Variants in BMPR1B observed in about 807,000 individuals in gnomAD.
BMPR1B encodes the protein bone morphogenetic protein receptor type 1B, also known as bone morphogenetic protein receptor type-1B.
In BMPR1B, 12 loss-of-function variants were observed where a neutral mutation model predicts 59.1. The ratio of observed to expected loss-of-function variants is 0.20; its 90% CI spans 0.13 to 0.33. The LOEUF is 0.33. BMPR1B is among the 10% of genes least tolerant of loss of function. BMPR1B has a pLI of 1.00. For missense variants in BMPR1B, 550 were observed against 610.9 expected (o/e 0.90, Z 1.05); for synonymous variants, 237 against 207.3 (o/e 1.14, Z -1.23).
intron 3 of BMPR1B, among the ~76,000 whole-genome samples, chr4:95,015,849 C>T (rs139850411): frequency 0.011 from 1,637 of 152,266 alleles, 22 homozygotes; most frequent in African/African-American, 0.035. Context: ...CATGCCACCA[C>T]GCCCAGCTCA....
chr4:95,027,261 T>G (rs574498949), intron 3 of BMPR1B, among the ~76,000 whole-genome samples: 1 of 152,298 alleles, frequency 6.6e-6, no homozygotes, highest in South Asian at 2.1e-4. Context: ...ATTTTTTCTT[T>G]TGTATTTTAT....
At chr4:94,825,219 A>G (rs1724341939) in intron 1 of BMPR1B, among the ~76,000 whole-genome samples, 1 of 152,116 alleles carries the variant, frequency 6.6e-6, no homozygotes, top group Non-Finnish European at 1.5e-5. Flanking sequence ...TAAGAATAGT[A>G]CTACTGGGTG....
intron 3 of BMPR1B, among the ~76,000 whole-genome samples, chr4:95,052,067 C>T (rs1726546217): frequency 6.6e-6 from 1 of 152,152 alleles, no homozygotes; most frequent in Non-Finnish European, 1.5e-5. Context: ...TATACTGTGA[C>T]AGTTTATATG....
chr4:94,806,886 A>G (rs1452766445), intron 1 of BMPR1B, among the ~76,000 whole-genome samples: 2 of 152,102 alleles, frequency 1.3e-5, no homozygotes, highest in Non-Finnish European at 2.9e-5. Context: ...CTGAATTACT[A>G]TATGCTATAT....
rs562122487 is a variant in BMPR1B, at chr4:94,958,804, ATC to A, written c.-112-37232_-112-37231del. 3.6e-3 allele frequency among the ~76,000 whole-genome samples: 547 copies of A among 152,250 alleles called. 13 individuals are homozygous for A. Among genetic ancestry groups the A allele is most frequent in the Admixed American group, 0.033 (506 of 15,274 alleles). On this transcript the variant is annotated intron_variant, in intron 2 of 12. Coordinates refer to ENST00000515059, the MANE Select transcript of BMPR1B (RefSeq NM_001203.3). ...ATAATTAGTAGTGTGGGTAACCTGT[ATC>A]TCTGTACTCTGAAATAAGAGGACTC...
chr4:94,858,297 C>T (rs955832802), intron 1 of BMPR1B, among the ~76,000 whole-genome samples: 1 of 152,080 alleles, frequency 6.6e-6, no homozygotes, highest in Non-Finnish European at 1.5e-5. Context: ...TTGTTTTATG[C>T]TTGTATGTAA....
chr4:94,841,855 G>T (rs763849647), intron 1 of BMPR1B, among the ~76,000 whole-genome samples: 2 of 152,166 alleles, frequency 1.3e-5, no homozygotes, highest in Non-Finnish European at 2.9e-5. Context: ...GAATAAAGTG[G>T]TTTTCAGTAA....
chr4:95,068,032 C>T (rs1424748315), intron 3 of BMPR1B, among the ~76,000 whole-genome samples: 1 of 152,108 alleles, frequency 6.6e-6, no homozygotes, highest in Non-Finnish European at 1.5e-5. Context: ...AAGAGCATGG[C>T]ACTGCTGGAG....
At chr4:95,097,051 CTG>C (rs1264471698) in intron 3 of BMPR1B, among the ~76,000 whole-genome samples, 8 of 142,862 alleles carry the variant, frequency 5.6e-5, no homozygotes, top group Non-Finnish European at 7.6e-5. Flanking sequence ...ATATACATAA[CTG>C]TATATAGTTA....
At chr4:94,777,029 G>A (rs1722395850) in intron 1 of BMPR1B, among the ~76,000 whole-genome samples, 1 of 151,874 alleles carries the variant, frequency 6.6e-6, no homozygotes, top group Admixed American at 6.6e-5. Context: ...TCAAAATACT[G>A]TTTTAATTAA....
intron 7 of BMPR1B, among the ~76,000 whole-genome samples, chr4:95,124,266 G>A (rs938038631): frequency 1.3e-5 from 2 of 151,780 alleles, no homozygotes; most frequent in Non-Finnish European, 2.9e-5. Context: ...AAGCTATAAC[G>A]TTTCTGATTA....
chr4:95,057,853 AC>A (rs1472344600), intron 3 of BMPR1B, among the ~76,000 whole-genome samples: 2 of 152,218 alleles, frequency 1.3e-5, no homozygotes, highest in African/African-American at 4.8e-5. Context: ...ATTTTAAAAA[AC>A]ACTTTAATAT....
chr4:94,851,215 G>A (rs935385716), intron 1 of BMPR1B, among the ~76,000 whole-genome samples: 8 of 152,320 alleles, frequency 5.3e-5, no homozygotes, highest in African/African-American at 1.9e-4. Context: ...TCGTAGAGGG[G>A]TATGCTGGAT....
chr4:95,116,421 G>GCGCGCGCGCACACACACACACA lies in BMPR1B; in HGVS notation c.349+635_349+636insGCGCGCGCACACACACACACAC. 6.2e-4 allele frequency among the ~76,000 whole-genome samples: 76 copies of GCGCGCGCGCACACACACACACA among 123,242 alleles called. 1 individual carries two copies. Among genetic ancestry groups the GCGCGCGCGCACACACACACACA allele is most frequent in the Middle Eastern group, 4.4e-3 (1 of 228 alleles). The allele number at this position is 123,242 out of a possible 152,430, so 80.9% of individuals were successfully genotyped here. ...CTCCTCCTCCATGCTTTCAGCGCGCGCACACACACACACACACACACACAC... is the reference window on the plus strand; with the variant it reads ...CTCCTCCTCCATGCTTTCAGCGCGCGCGCGCGCGCACACACACACACACACACACACACACACACACACACAC... On this transcript the variant is annotated intron_variant, in intron 6 of 12. Transcript: ENST00000515059.
chr4:95,098,429 TC>T (rs1293921744), intron 3 of BMPR1B, among the ~76,000 whole-genome samples: 1 of 152,220 alleles, frequency 6.6e-6, no homozygotes, highest in African/African-American at 2.4e-5. Flanking sequence ...ATTAAAGTGA[TC>T]CTTGTATAAA....
At chr4:95,118,535 A>G (rs59044097) in intron 6 of BMPR1B, among the ~76,000 whole-genome samples, 5,848 of 152,244 alleles carry the variant, frequency 0.038, 176 homozygotes, top group Middle Eastern at 0.099. Flanking sequence ...TTGTGAAACC[A>G]CTGGTGATTC....
intron 1 of BMPR1B, among the ~76,000 whole-genome samples, chr4:94,863,414 G>T (rs2148959340): frequency 6.6e-6 from 1 of 152,282 alleles, no homozygotes; most frequent in Admixed American, 6.5e-5. Flanking sequence ...GAGTATATCA[G>T]TCGAGGGTAG....
intron 1 of BMPR1B, among the ~76,000 whole-genome samples, chr4:94,833,634 T>A (rs961487822): frequency 6.6e-6 from 1 of 152,154 alleles, no homozygotes; most frequent in South Asian, 2.1e-4. Flanking sequence ...CCCCAACACC[T>A]CCTTCCCCTG....
chr4:94,766,122 A>C (rs180734099), intron 1 of BMPR1B, among the ~76,000 whole-genome samples: 52 of 152,266 alleles, frequency 3.4e-4, no homozygotes, highest in Admixed American at 8.5e-4. Context: ...AAATCTGGCA[A>C]TTTCTGATGT....
Sources: gnomAD v4.1 joint callset for allele counts (sites outside exome capture counted in the v4.1 genomes callset) on GRCh38, gnomAD v4.1.1 for gene constraint, MANE v1.5 for transcripts, NCBI Gene and HGNC (gene_info 2026-07-23, HGNC 2026-07-21) for gene names.